CCDC7: variants seen among roughly 807,000 people sequenced by gnomAD.
The protein encoded by CCDC7 is coiled-coil domain-containing protein 7.
A neutral mutation model predicts 196.9 loss-of-function variants in CCDC7; 183 were observed. The observed-to-expected ratio is 0.93, with a 90% confidence interval of 0.82 to 1.05. The LOEUF is 1.05. Ranked by LOEUF, CCDC7 falls within the 50% of genes least tolerant of loss-of-function variation. CCDC7 has a pLI of 0.00. For missense variants in CCDC7, 1,540 were observed against 1,482.2 expected (o/e 1.04, Z -0.64); for synonymous variants, 525 against 484.6 (o/e 1.08, Z -1.10).
intron 23 of CCDC7, among the ~76,000 whole-genome samples, chr10:32,693,800 G>T (rs796957643): frequency 6.6e-6 from 1 of 152,116 alleles, no homozygotes; most frequent in African/African-American, 2.4e-5. Context: ...TGTCTAAATG[G>T]TCCCTGTCTG....
At position 32,676,860 on chromosome 10, in the gene CCDC7, C is replaced by T. The variant is rs572267593; in HGVS notation, c.2123-9110C>T. Among the ~76,000 whole-genome samples, 11 of 152,260 alleles carry T rather than the reference C, an allele frequency of 7.2e-5. No individual in the cohort carries two copies. The East Asian group carries it at 1.5e-3, about 21-fold the overall frequency. ...AGAAATACCATTTGACCTAGCCATCCCATTACTGGGTATATACCCAAAGGT... is the reference window on the plus strand; with the variant it reads ...AGAAATACCATTTGACCTAGCCATCTCATTACTGGGTATATACCCAAAGGT... On this transcript the variant is annotated intron_variant, in intron 21 of 41. Coordinates refer to ENST00000639629, the Ensembl canonical transcript of CCDC7.
intron 28 of CCDC7, among the ~76,000 whole-genome samples, chr10:32,741,682 T>A (rs188700809): frequency 5.1e-4 from 78 of 152,294 alleles, no homozygotes; most frequent in Non-Finnish European, 7.4e-4. Flanking sequence ...AAAAAATGTG[T>A]TAGTGAGATT....
At chr10:32,605,840 TAGAAAAGAAA>T (rs71299732) in intron 18 of CCDC7, among the ~76,000 whole-genome samples, 1 of 151,560 alleles carries the variant, frequency 6.6e-6, no homozygotes, top group East Asian at 2.0e-4. Context: ...CCTGGCCATA[TAGAAAAGAAA>T]AGAAAAGAAA....
chr10:32,772,677 G>C (rs1411318961), intron 28 of CCDC7, among the ~76,000 whole-genome samples: 1 of 152,192 alleles, frequency 6.6e-6, no homozygotes, highest in East Asian at 1.9e-4. Context: ...GCTGCCCTTG[G>C]TCCACACTGG....
At chr10:32,736,524 A>G (rs556291063) in intron 28 of CCDC7, among the ~76,000 whole-genome samples, 49 of 151,970 alleles carry the variant, frequency 3.2e-4, no homozygotes, top group African/African-American at 1.1e-3. Flanking sequence ...ATATCTCCCA[A>G]TGCTATCCCT....
intron 29 of CCDC7, among the ~76,000 whole-genome samples, chr10:32,800,101 T>TA (rs1271282829): frequency 6.6e-6 from 1 of 152,196 alleles, no homozygotes; most frequent in African/African-American, 2.4e-5. Flanking sequence ...TTGTTAAGCT[T>TA]ACGATAATCC....
intron 29 of CCDC7, among the ~76,000 whole-genome samples, chr10:32,782,523 C>T (rs957046702): frequency 3.9e-5 from 6 of 152,066 alleles, no homozygotes; most frequent in South Asian, 2.1e-4. Flanking sequence ...CCACCGTGCC[C>T]GGCCAGAAGA....
chr10:32,875,151 G>A (rs2094562516), intron 41 of CCDC7, among the ~76,000 whole-genome samples: 1 of 151,918 alleles, frequency 6.6e-6, no homozygotes, highest in Non-Finnish European at 1.5e-5. Context: ...ATTAGTCTAT[G>A]TATTTACTTT....
intron 18 of CCDC7, among the ~76,000 whole-genome samples, chr10:32,589,798 A>G (rs2059616128): frequency 6.6e-6 from 1 of 152,150 alleles, no homozygotes; most frequent in South Asian, 2.1e-4. Context: ...TTATCATTAC[A>G]TAATGCTCCT....
chr10:32,499,749 C>T (rs1035468654), intron 9 of CCDC7, among the ~76,000 whole-genome samples: 1 of 152,062 alleles, frequency 6.6e-6, no homozygotes, highest in African/African-American at 2.4e-5. Context: ...AGGGCCCTGC[C>T]GCCTTCCGCA....
At chr10:32,636,535 A>G (rs1480643613) in intron 20 of CCDC7, among the ~76,000 whole-genome samples, 2 of 152,172 alleles carry the variant, frequency 1.3e-5, no homozygotes, top group African/African-American at 2.4e-5. Flanking sequence ...AGCTTCATCC[A>G]TGTCCCTATA....
chr10:32,584,443 T>C, intron 18 of CCDC7, 139 bp downstream of exon 19: 1 of 509,968 alleles, frequency 2.0e-6, no homozygotes. Flanking sequence ...AGCATACAAA[T>C]ATAACGACAA....
chr10:32,485,177 C>T (rs1419154396), intron 8 of CCDC7, among the ~76,000 whole-genome samples: 1 of 152,170 alleles, frequency 6.6e-6, no homozygotes, highest in Non-Finnish European at 1.5e-5. Context: ...AATTTCAGAG[C>T]CTGTTATTGG....
Position 32,541,014 on chromosome 10 carries a change from A to G in CCDC7, c.994-2286A>G, listed in dbSNP as rs2051320027. Among the ~76,000 whole-genome samples the G allele has an allele frequency of 4.7e-5, 7 of 150,132 alleles. No homozygotes were observed. In the South Asian group the frequency reaches 1.5e-3, roughly 32 times the overall value. ...CGCCTCTTTCAGGAACCAATCAGTC[A>G]TAGATTTGACCTCTACCTAACCCCA... On this transcript the variant is annotated intron_variant, in intron 11 of 41. Coordinates refer to ENST00000639629, the Ensembl canonical transcript of CCDC7.
intron 11 of CCDC7, among the ~76,000 whole-genome samples, chr10:32,519,165 T>C (rs890576355): frequency 6.6e-5 from 10 of 152,264 alleles, no homozygotes; most frequent in South Asian, 4.1e-4. Flanking sequence ...GTGTCAAATA[T>C]AAGATCAGGG....
At chr10:32,871,776 G>A (rs1026562353) in intron 41 of CCDC7, among the ~76,000 whole-genome samples, 1 of 152,094 alleles carries the variant, frequency 6.6e-6, no homozygotes, top group African/African-American at 2.4e-5. Flanking sequence ...CTTTGAATAT[G>A]TCCCAGAGAT....
chr10:32,615,464 T>G (rs1022893105), intron 18 of CCDC7, among the ~76,000 whole-genome samples: 5 of 152,318 alleles, frequency 3.3e-5, no homozygotes, highest in Admixed American at 2.0e-4. Flanking sequence ...TGTTGGCTGC[T>G]TCTGTGTCTT....
At chr10:32,699,627 A>G (rs1292242402) in intron 24 of CCDC7, among the ~76,000 whole-genome samples, 2 of 149,292 alleles carry the variant, frequency 1.3e-5, no homozygotes, top group Non-Finnish European at 2.9e-5. Flanking sequence ...AGGAATCGCC[A>G]CACAGACTTC....
chr10:32,544,205 T>C, intron 12 of CCDC7, 42 bp from the exon 14 acceptor site: 2 of 1,541,304 alleles, frequency 1.3e-6, no homozygotes, highest in Non-Finnish European at 8.8e-7. Context: ...AGTGATGCAT[T>C]TAAAAATATC....
Sources: allele counts gnomAD v4.1 joint callset (sites outside exome capture counted in the v4.1 genomes callset), GRCh38; gene constraint gnomAD v4.1.1; transcripts MANE v1.5; gene names NCBI Gene and HGNC (gene_info 2026-07-23, HGNC 2026-07-21).